DOCK4: variants seen among roughly 807,000 people sequenced by gnomAD.
The protein encoded by DOCK4 is dedicator of cytokinesis 4, also known as dedicator of cytokinesis protein 4.
DOCK4 carries 97 observed loss-of-function variants against 268.1 expected under a neutral mutation model. The observed-to-expected ratio is 0.36, with a 90% CI of 0.31 to 0.43. The LOEUF is 0.43. DOCK4 is among the 20% of genes least tolerant of loss of function. The pLI, the probability that DOCK4 is intolerant of heterozygous loss-of-function variation, is 1.00. For synonymous variants in DOCK4, 954 were observed against 887.2 expected, an observed-to-expected ratio of 1.08 and a Z score of -1.34; for missense variants, 2,145 against 2,455.7, an observed-to-expected ratio of 0.87 and a Z score of 2.67.
intron 1 of DOCK4, among the ~76,000 whole-genome samples, chr7:112,123,952 G>A (rs374219660): frequency 1.1e-4 from 16 of 152,188 alleles, no homozygotes; most frequent in African/African-American, 2.9e-4. Context: ...GCCCTGGCAC[G>A]AGCTATTAAT....
At chr7:111,867,137 CA>C (rs1336568571) in intron 22 of DOCK4, among the ~76,000 whole-genome samples, 1 of 152,194 alleles carries the variant, frequency 6.6e-6, no homozygotes, top group African/African-American at 2.4e-5. Context: ...AAATACAGCA[CA>C]TTATCAGAGG....
chr7:112,035,841 A>G (rs1803705076), intron 1 of DOCK4, among the ~76,000 whole-genome samples: 1 of 152,194 alleles, frequency 6.6e-6, no homozygotes, highest in Admixed American at 6.5e-5. Context: ...GCAGACCAAA[A>G]GGGCATTCCT....
chr7:111,856,187 C>A (rs1377717119), intron 23 of DOCK4, among the ~76,000 whole-genome samples: 1 of 152,182 alleles, frequency 6.6e-6, no homozygotes, highest in Non-Finnish European at 1.5e-5. Flanking sequence ...ATACAGGTGT[C>A]ACCCTTTCCC....
intron 1 of DOCK4, among the ~76,000 whole-genome samples, chr7:112,069,074 T>C (rs1807343460): frequency 6.6e-6 from 1 of 152,184 alleles, no homozygotes; most frequent in Non-Finnish European, 1.5e-5. Context: ...CTCTTGCATA[T>C]CTTGAATAAC....
intron 2 of DOCK4, among the ~76,000 whole-genome samples, chr7:112,002,342 G>A (rs1274353065): frequency 6.6e-6 from 1 of 152,084 alleles, no homozygotes; most frequent in Admixed American, 6.5e-5. Context: ...TCATAGAGAG[G>A]TCTCTGTCCA....
At chr7:111,759,900 T>C (rs919319738) in intron 40 of DOCK4, among the ~76,000 whole-genome samples, 2 of 151,970 alleles carry the variant, frequency 1.3e-5, no homozygotes, top group African/African-American at 4.8e-5. Context: ...AGGATGTCAC[T>C]AAAAAAGAGC....
Position 111,895,818 on chromosome 7 carries a change from A to C in DOCK4, c.1481-100T>G, listed in dbSNP as rs1808700190. ...TCGAGAAATATAACTCATACACAAC[A>C]GTTCCCACTACACAATGCAGCACAG... On this transcript the variant is annotated intron_variant, in intron 15 of 52. Coordinates refer to ENST00000428084, the MANE Select transcript of DOCK4 (RefSeq NM_001363540.2). The C allele has an allele frequency of 3.8e-6, 4 of 1,066,408 alleles. No individual in the cohort carries two copies. In the Admixed American group the frequency reaches 7.0e-5, roughly 19 times the overall value. The allele number at this position is 1,066,408 out of a possible 1,614,324, so 66.1% of individuals were successfully genotyped here.
chr7:112,142,679 A>T (rs1815049064), intron 1 of DOCK4, among the ~76,000 whole-genome samples: 1 of 152,150 alleles, frequency 6.6e-6, no homozygotes, highest in African/African-American at 2.4e-5. Flanking sequence ...GCTCACATGT[A>T]TTCTTTACCA....
chr7:111,863,674 T>C (rs973880521), intron 22 of DOCK4, 110 bp from the exon 23 acceptor site: 1 of 1,139,132 alleles, frequency 8.8e-7, no homozygotes, highest in Non-Finnish European at 1.2e-6. Flanking sequence ...ATGGTAGGAA[T>C]AGAAGTATGA....
chr7:111,751,948 C>T (rs151218310), intron 42 of DOCK4, among the ~76,000 whole-genome samples: 140 of 151,964 alleles, frequency 9.2e-4, no homozygotes, highest in Middle Eastern at 3.4e-3. Flanking sequence ...TCTGTTTAGA[C>T]GGTGTCTTAC....
At chr7:111,935,734 C>A in intron 11 of DOCK4, 106 bp from the exon 12 acceptor site, 7 of 919,138 alleles carry the variant, frequency 7.6e-6, no homozygotes, top group South Asian at 1.6e-5. Context: ...AATGTACCTC[C>A]TTGAGGTCCC....
At chr7:112,171,252 C>T (rs1818055364) in intron 1 of DOCK4, among the ~76,000 whole-genome samples, 1 of 152,096 alleles carries the variant, frequency 6.6e-6, no homozygotes, top group Non-Finnish European at 1.5e-5. Flanking sequence ...AATAATTAAC[C>T]TATTTTCCAT....
At chr7:111,734,240 C>T (rs1471294322) in intron 51 of DOCK4, among the ~76,000 whole-genome samples, 1 of 152,134 alleles carries the variant, frequency 6.6e-6, no homozygotes. Flanking sequence ...CCTTATTTGG[C>T]CCAGGCTGAA....
intron 1 of DOCK4, among the ~76,000 whole-genome samples, chr7:112,097,465 C>T (rs947254120): frequency 7.9e-5 from 12 of 151,928 alleles, no homozygotes; most frequent in Admixed American, 5.9e-4. Context: ...CTACCAGCTA[C>T]TCAAGAGGCT....
chr7:111,741,473 G>C (rs1055241415), intron 46 of DOCK4, 67 bp downstream of exon 46: 2 of 1,576,200 alleles, frequency 1.3e-6, no homozygotes, highest in Non-Finnish European at 1.7e-6. Context: ...CATAAAGAAT[G>C]AGAGAACCAT....
At chr7:111,749,821 C>T (rs1796510788) in intron 42 of DOCK4, among the ~76,000 whole-genome samples, 1 of 152,152 alleles carries the variant, frequency 6.6e-6, no homozygotes, top group African/African-American at 2.4e-5. Flanking sequence ...AAATATACAA[C>T]ACTTAGTGTT....
At chr7:112,190,614 C>T (rs1400310014) in intron 1 of DOCK4, among the ~76,000 whole-genome samples, 2 of 150,988 alleles carry the variant, frequency 1.3e-5, no homozygotes, top group Admixed American at 6.6e-5. Flanking sequence ...AGACAGGGGC[C>T]GATTTAGGAG....
At chr7:111,971,678 C>T (rs368520613) in intron 8 of DOCK4, 7 of 268,338 alleles carry the variant, frequency 2.6e-5, no homozygotes, top group African/African-American at 9.2e-5. Flanking sequence ...GGCCAACAGC[C>T]TCTTCTCTTG....
chr7:111,874,322 G>A (rs1475344131), intron 17 of DOCK4, among the ~76,000 whole-genome samples: 1 of 152,172 alleles, frequency 6.6e-6, no homozygotes, highest in African/African-American at 2.4e-5. Context: ...TGGGGAGGAA[G>A]GAGGTGGCTA....
Sources: allele counts gnomAD v4.1 joint callset (sites outside exome capture counted in the v4.1 genomes callset), GRCh38; gene constraint gnomAD v4.1.1; transcripts MANE v1.5; gene names NCBI Gene and HGNC (gene_info 2026-07-23, HGNC 2026-07-21).